The following NSG2 variants were observed in gnomAD, a reference collection of about 807,000 sequenced individuals.
NSG2 encodes neuronal vesicle trafficking associated 2.
In NSG2, 4 loss-of-function variants were observed where a neutral mutation model predicts 16.9. That is an observed-to-expected ratio of 0.24 (90% CI 0.12 to 0.54). The LOEUF is 0.54. Among genes scored for constraint, NSG2 ranks in the 20% least tolerant of loss-of-function variants. The pLI is 0.95. For missense variants in NSG2, 179 were observed against 221.1 expected (o/e 0.81, Z 1.21); for synonymous variants, 98 against 88.7 (o/e 1.11, Z -0.59).
intron 3 of NSG2, among the ~76,000 whole-genome samples, chr5:174,094,204 G>A (rs1177705665): frequency 3.9e-5 from 6 of 152,172 alleles, no homozygotes; most frequent in Non-Finnish European, 2.9e-5. Flanking sequence ...AAACCTCTCT[G>A]TGCTTCAGTT....
rs140344080 is a variant in NSG2, at chr5:174,055,265, C to T, written c.129+8381C>T. On this transcript the variant is annotated intron_variant, in intron 2 of 4. Transcript: ENST00000303177. ...CCCCCGTAGAGGATCCTGTGGAGAG[C>T]ACCTCATCTTGCCCCATGCTATGCA... Among the ~76,000 whole-genome samples, 326 of 152,286 alleles carry T rather than the reference C, an allele frequency of 2.1e-3. 2 individuals carry two copies. Among genetic ancestry groups the T allele is most frequent in the African/African-American group, 7.7e-3 (320 of 41,570 alleles).
Position 174,091,311 on chromosome 5 carries a change from A to G in NSG2, c.214-12917A>G, listed in dbSNP as rs143410622. 1,397 of 152,534 alleles carry G rather than the reference A, an allele frequency of 9.2e-3. 14 individuals are homozygous for G. The highest frequency in any genetic ancestry group is 0.017 in the Middle Eastern group (5 of 296). 9.4% of individuals were successfully genotyped at this position (152,534 alleles called of 1,614,324 possible). ...CCTGTCTCTTGGGGTTGGATGGAGC[A>G]ACTAGATGTGAGTTCTTCTTCCGAG... On this transcript the variant is annotated intron_variant, in intron 3 of 4. Transcript: ENST00000303177.
intron 3 of NSG2, among the ~76,000 whole-genome samples, chr5:174,080,488 TTTCTTTCCCTC>T (rs1760430336): frequency 6.6e-6 from 1 of 151,624 alleles, no homozygotes; most frequent in South Asian, 2.1e-4. Flanking sequence ...TCCCTCTTTC[TTTCTTTCCCTC>T]TTTCTTTCTT....
chr5:174,088,102 T>C (rs1760662056), intron 3 of NSG2, among the ~76,000 whole-genome samples: 1 of 152,234 alleles, frequency 6.6e-6, no homozygotes, highest in South Asian at 2.1e-4. Context: ...TCTTCTGATA[T>C]ATTGACTTAG....
At chr5:174,047,204 T>C (rs1306287067) in intron 2 of NSG2, among the ~76,000 whole-genome samples, 2 of 152,248 alleles carry the variant, frequency 1.3e-5, no homozygotes, top group Admixed American at 6.5e-5. Context: ...TTGATTATTT[T>C]GGGAAGGTCT....
intron 3 of NSG2, among the ~76,000 whole-genome samples, chr5:174,090,025 A>T (rs545839180): frequency 6.6e-6 from 1 of 152,158 alleles, no homozygotes; most frequent in Admixed American, 6.5e-5. Context: ...CCAGTAAAGC[A>T]TAGCTCGTTA....
intron 3 of NSG2, among the ~76,000 whole-genome samples, chr5:174,077,798 A>T (rs1285946451): frequency 3.9e-5 from 6 of 152,164 alleles, no homozygotes; most frequent in Admixed American, 3.9e-4. Flanking sequence ...AACTGCCCTG[A>T]TTCAGTTTTA....
chr5:174,081,750 TGTG>T (rs1345509627), intron 3 of NSG2: 1 of 151,970 alleles, frequency 6.6e-6, no homozygotes, highest in African/African-American at 2.4e-5. Flanking sequence ...ATTAGCCAGA[TGTG>T]GTGGTGGGCA....
chr5:174,055,458 C>T (rs572059276), intron 2 of NSG2, among the ~76,000 whole-genome samples: 147 of 152,016 alleles, frequency 9.7e-4, no homozygotes, highest in African/African-American at 3.2e-3. Flanking sequence ...ATTAGCTGGG[C>T]GTGGTGGCAG....
intron 3 of NSG2, among the ~76,000 whole-genome samples, chr5:174,079,918 G>C (rs369093332): frequency 6.6e-6 from 1 of 152,012 alleles, no homozygotes; most frequent in East Asian, 1.9e-4. Flanking sequence ...TTTTCTTCTG[G>C]TGCTTTTATG....
chr5:174,094,619 GT>G (rs1760766679), intron 3 of NSG2, among the ~76,000 whole-genome samples: 1 of 152,196 alleles, frequency 6.6e-6, no homozygotes, highest in Non-Finnish European at 1.5e-5. Flanking sequence ...TCTCCCAGCT[GT>G]GAGAGAGAAG....
At chr5:174,091,849 A>G (rs1019063635) in intron 3 of NSG2, among the ~76,000 whole-genome samples, 2 of 152,142 alleles carry the variant, frequency 1.3e-5, no homozygotes, top group African/African-American at 2.4e-5. Context: ...TTAATCCACA[A>G]TTTACCCAAC....
chr5:174,053,783 CA>C (rs915812655), intron 2 of NSG2, among the ~76,000 whole-genome samples: 12 of 152,150 alleles, frequency 7.9e-5, no homozygotes, highest in South Asian at 6.2e-4. Flanking sequence ...CAAATTGGCA[CA>C]AAAAAATGGA....
At position 174,107,718 on chromosome 5, in the gene NSG2, CGCCGAGTCAG is replaced by C; in HGVS notation, c.*216_*225del. ...TTGTTCCTTGGTATTGTTGATTCGT[CGCCGAGTCAG>C]GCTCATGTACAAAGGCATGTTTCGT... On this transcript the variant is annotated 3_prime_UTR_variant, in exon 5 of 5. Transcript: ENST00000303177. This position sits in a 1 kb window ranked among gnomAD's most constrained non-coding sequence, Gnocchi z 4.5. The C allele has an allele frequency of 1.4e-6, 1 of 698,168 alleles. No individual in the cohort carries two copies. Among genetic ancestry groups the C allele is most frequent in the Non-Finnish European group, 2.6e-6 (1 of 383,520 alleles). The allele number at this position is 698,168 out of a possible 1,614,324, so 43.2% of individuals were successfully genotyped here.
intron 3 of NSG2, among the ~76,000 whole-genome samples, chr5:174,074,837 G>A (rs1760309360): frequency 6.6e-6 from 1 of 151,888 alleles, no homozygotes; most frequent in African/African-American, 2.4e-5. Context: ...CCCGCTTAGA[G>A]CTCATCTCCC....
Position 174,108,377 on chromosome 5 carries a change from G to C in NSG2, c.*872G>C, listed in dbSNP as rs182347740. The stretch of plus-strand genomic sequence containing the variant: ...CTGCAAGAAGGAAGGCACGGGACAG[G>C]CATGTGACACTAGGCCACAAGCGAT... On this transcript the variant is annotated 3_prime_UTR_variant, in exon 5 of 5. Coordinates refer to ENST00000303177, the MANE Select transcript of NSG2 (RefSeq NM_015980.5). 1.3e-5 allele frequency: 2 copies of C among 154,656 alleles called. No individual in the cohort carries two copies. The highest frequency in any genetic ancestry group is 4.8e-5 in the African/African-American group (2 of 41,432). The allele number at this position is 154,656 out of a possible 1,614,324, so 9.6% of individuals were successfully genotyped here.
intron 3 of NSG2, chr5:174,091,143 C>T (rs973549548): frequency 6.7e-6 from 1 of 149,822 alleles, no homozygotes; most frequent in South Asian, 2.1e-4. Context: ...GGGCTCATGT[C>T]TCCATGGAGA....
chr5:174,055,857 T>G (rs2113424007), intron 2 of NSG2, among the ~76,000 whole-genome samples: 1 of 152,276 alleles, frequency 6.6e-6, no homozygotes, highest in Middle Eastern at 3.4e-3. Flanking sequence ...TCCCTATTTG[T>G]GAATTGATGA....
intron 3 of NSG2, among the ~76,000 whole-genome samples, chr5:174,080,497 CTCTT>C (rs1168133074): frequency 1.8e-3 from 268 of 146,114 alleles, no homozygotes; most frequent in Non-Finnish European, 3.2e-3. Flanking sequence ...CTTTCTTTCC[CTCTT>C]TCTTTCTTTC....
Sources: allele counts gnomAD v4.1 joint callset (sites outside exome capture counted in the v4.1 genomes callset), GRCh38; gene constraint gnomAD v4.1.1; non-coding constraint Gnocchi (gnomAD v3.1); transcripts MANE v1.5; gene names NCBI Gene and HGNC (gene_info 2026-07-23, HGNC 2026-07-21).